SLC31A2: variants seen among roughly 807,000 people sequenced by gnomAD.
SLC31A2 encodes the protein protein SLC31A2.
SLC31A2 carries 16 observed loss-of-function variants against 14.4 expected under a neutral mutation model. The observed-to-expected ratio is 1.11, with a 90% confidence interval of 0.75 to 1.69. The LOEUF is 1.69. Among genes scored for constraint, SLC31A2 ranks in the 40% most tolerant of loss-of-function variants. The pLI is 0.00. For missense variants in SLC31A2, 140 were observed against 173.9 expected (o/e 0.81, Z 1.10); for synonymous variants, 56 against 68.7 (o/e 0.82, Z 0.91).
chr9:113,151,073 C>T lies in SLC31A2; in HGVS notation c.-2C>T. ...CCCTGGCGCCCGCCCTGCGCACTCA[C>T]CATGGCGGTAAGGGCCGGGCGCTAC... On this transcript the variant is annotated 5_prime_UTR_variant, in exon 1 of 4. Coordinates refer to ENST00000259392, the MANE Select transcript of SLC31A2 (RefSeq NM_001860.3). The surrounding 1 kb of genome is among the most constrained non-coding windows in gnomAD (Gnocchi z 4.2). 7.6e-7 allele frequency: 1 copy of T among 1,308,338 alleles called. No homozygotes were observed. The highest frequency in any genetic ancestry group is 9.8e-7 in the Non-Finnish European group (1 of 1,020,738). The allele number at this position is 1,308,338 out of a possible 1,614,324, so 81.0% of individuals were successfully genotyped here. A position where few individuals can be genotyped will look rare whatever the true frequency, so the allele number is the denominator to read the frequency against.
chr9:113,153,103 T>G (rs1023281316), intron 1 of SLC31A2, among the ~76,000 whole-genome samples: 1 of 148,088 alleles, frequency 6.8e-6, no homozygotes, highest in African/African-American at 2.5e-5. Context: ...GCGTAAACAT[T>G]TTGCTGTGTC....
At chr9:113,158,302 A>T (rs1829960592) in intron 2 of SLC31A2, among the ~76,000 whole-genome samples, 2 of 152,220 alleles carry the variant, frequency 1.3e-5, no homozygotes, top group Admixed American at 1.3e-4. Flanking sequence ...TTTTCAACTT[A>T]AATAACTGCA....
intron 2 of SLC31A2, chr9:113,160,888 CTTA>C (rs922852493): frequency 1.3e-5 from 2 of 152,218 alleles, no homozygotes; most frequent in African/African-American, 4.8e-5. Flanking sequence ...ATATATATCT[CTTA>C]TTATGTCGCA....
At chr9:113,152,764 C>T (rs1291897691) in intron 1 of SLC31A2, among the ~76,000 whole-genome samples, 2 of 152,234 alleles carry the variant, frequency 1.3e-5, no homozygotes, top group African/African-American at 4.8e-5. Context: ...AGAAATCTTT[C>T]AAATTACTCT....
chr9:113,155,263 G>T (rs1464589770), intron 1 of SLC31A2, among the ~76,000 whole-genome samples: 1 of 152,200 alleles, frequency 6.6e-6, no homozygotes, highest in African/African-American at 2.4e-5. Flanking sequence ...TGGACTTCCA[G>T]TGCTGCCCTG....
chr9:113,156,292 C>T, intron 1 of SLC31A2: 3 of 403,326 alleles, frequency 7.4e-6, no homozygotes, highest in Non-Finnish European at 1.0e-5. Context: ...ATCCTTTTCC[C>T]TCTTCATACT....
At chr9:113,159,356 C>A (rs1170650813) in intron 2 of SLC31A2, among the ~76,000 whole-genome samples, 1 of 152,174 alleles carries the variant, frequency 6.6e-6, no homozygotes, top group Non-Finnish European at 1.5e-5. Flanking sequence ...TGGTCTCAAA[C>A]TCCTGACCTC....
rs915466534 is a variant in SLC31A2 at position 113,163,835 on chromosome 9, T to G, written c.*918T>G. 4 of 152,790 alleles carry G rather than the reference T, an allele frequency of 2.6e-5. No homozygotes were observed. The South Asian group carries it at 8.3e-4, about 32-fold the overall frequency. The allele number at this position is 152,790 out of a possible 1,614,324, so 9.5% of individuals were successfully genotyped here. A position where few individuals can be genotyped will look rare whatever the true frequency, so the allele number is the denominator to read the frequency against. On this transcript the variant is annotated 3_prime_UTR_variant, in exon 4 of 4. Coordinates refer to ENST00000259392, the MANE Select transcript of SLC31A2 (RefSeq NM_001860.3). The stretch of plus-strand genomic sequence containing the variant: ...ATCTAATAATGTTCAATACTTAATA[T>G]TCTCTATTTATTACTTACTGCTTAC...
In SLC31A2 at chr9:113,162,810, T is replaced by TTCA; in HGVS notation, c.330_332dup (p.Ile110dup). On this transcript the variant is annotated inframe_insertion, in exon 4 of 4. Coordinates refer to ENST00000259392, the MANE Select transcript of SLC31A2 (RefSeq NM_001860.3). ...TGTCATCCAGGTGGTCATCGGCTAC[T>TTCA]TCATCATGCTGGCCGTAATGTCCTA... 6.2e-7 allele frequency: 1 copy of TTCA among 1,613,884 alleles called. No homozygotes were observed. Among genetic ancestry groups the TTCA allele is most frequent in the Non-Finnish European group, 8.5e-7 (1 of 1,179,836 alleles).
In SLC31A2 at chr9:113,162,805, G is replaced by C; in HGVS notation, c.320G>C (p.Gly107Ala). Residue 107 changes from glycine (G) to alanine (A), a missense_variant, in exon 4 of 4, where the codon GGC becomes GCC. Physicochemically the swap from Gly to Ala is moderately conservative, Grantham distance 60. Transcript: ENST00000259392. ...SLIHVIQVVI[G>A]YFIMLAVMSY... is the part of the protein sequence containing the mutation. ...ATCCATGTCATCCAGGTGGTCATCG[G>C]CTACTTCATCATGCTGGCCGTAATG... 1 of 1,613,642 alleles carries C rather than the reference G, an allele frequency of 6.2e-7. No homozygotes were observed. The highest frequency in any genetic ancestry group is 8.5e-7 in the Non-Finnish European group (1 of 1,179,758).
At chr9:113,161,417 T>C (rs1564138540) in intron 2 of SLC31A2, 92 bp from the exon 3 acceptor site, 2 of 1,136,286 alleles carry the variant, frequency 1.8e-6, no homozygotes, top group Non-Finnish European at 2.6e-6. Context: ...AGGATAGAGG[T>C]GGATGGAGTG....
In SLC31A2 at chr9:113,151,017, G is replaced by GGAGCGAGGAGACCC. The variant is rs1829855417; in HGVS notation, c.-50_-37dup. Reference sequence around the variant, plus strand: ...GCGGCGGCGGCGGTTGAACTGACTCGGAGCGAGGAGACCCGAGCGAGCAGA... The same window carrying GGAGCGAGGAGACCC: ...GCGGCGGCGGCGGTTGAACTGACTCGGAGCGAGGAGACCCGAGCGAGGAGACCCGAGCGAGCAGA... On this transcript the variant is annotated 5_prime_UTR_variant, in exon 1 of 4. Transcript: ENST00000259392. The surrounding 1 kb of genome is among the most constrained non-coding windows in gnomAD (Gnocchi z 4.2). The GGAGCGAGGAGACCC allele has an allele frequency of 3.9e-6, 5 of 1,292,500 alleles. No homozygotes were observed. The highest frequency in any genetic ancestry group is 1.5e-5 in the African/African-American group (1 of 65,782). The allele number at this position is 1,292,500 out of a possible 1,614,324, so 80.1% of individuals were successfully genotyped here.
rs934781540 is a variant in SLC31A2 at position 113,151,156 on chromosome 9, G to A, written c.6+76G>A. 13 of 1,254,208 alleles carry A rather than the reference G, an allele frequency of 1.0e-5. No individual in the cohort carries two copies. The Admixed American group carries it at 1.5e-4, about 15-fold the overall frequency. The allele number at this position is 1,254,208 out of a possible 1,614,324, so 77.7% of individuals were successfully genotyped here. ...CCTGGAGCTGCCATCTCGGCACCCC[G>A]AATCCTCGCTGCCGCTGGCCCGGGG... On this transcript the variant is annotated intron_variant, in intron 1 of 3. Transcript: ENST00000259392. This position sits in a 1 kb window ranked among gnomAD's most constrained non-coding sequence, Gnocchi z 4.2.
chr9:113,155,181 G>C (rs190842546), intron 1 of SLC31A2, among the ~76,000 whole-genome samples: 2 of 152,340 alleles, frequency 1.3e-5, no homozygotes, highest in Admixed American at 1.3e-4. Flanking sequence ...GGCCTGGTAA[G>C]AAGACCCAGG....
chr9:113,161,721 A>G (rs1329366141), intron 3 of SLC31A2, 23 bp downstream of exon 3: 8 of 1,611,748 alleles, frequency 5.0e-6, no homozygotes, highest in Non-Finnish European at 6.8e-6. Flanking sequence ...GGTATGGGAA[A>G]GGGGCAGAAG....
intron 1 of SLC31A2, 107 bp from the exon 2 acceptor site, chr9:113,157,620 C>T: frequency 1.1e-6 from 1 of 889,818 alleles, no homozygotes; most frequent in African/African-American, 1.7e-5. Context: ...TCCAGCACTT[C>T]CAGTGACCCC....
rs369127331 is a variant in SLC31A2, at chr9:113,151,041, G to A, written c.-34G>A. 36,274 of 1,302,840 alleles carry A rather than the reference G, an allele frequency of 0.028. 534 individuals carry two copies. The highest frequency in any genetic ancestry group is 0.031 in the Non-Finnish European group (31,358 of 1,019,726). The allele number at this position is 1,302,840 out of a possible 1,614,324, so 80.7% of individuals were successfully genotyped here. On this transcript the variant is annotated 5_prime_UTR_variant, in exon 1 of 4. Coordinates refer to ENST00000259392, the MANE Select transcript of SLC31A2 (RefSeq NM_001860.3). The surrounding 1 kb of genome is among the most constrained non-coding windows in gnomAD (Gnocchi z 4.2). ...CGGAGCGAGGAGACCCGAGCGAGCA[G>A]ACGCGGCCCTGGCGCCCGCCCTGCG...
At chr9:113,155,520 G>A (rs548937296) in intron 1 of SLC31A2, among the ~76,000 whole-genome samples, 64 of 152,336 alleles carry the variant, frequency 4.2e-4, no homozygotes, top group African/African-American at 1.5e-3. Context: ...AAAGAGGGTT[G>A]CTCTAAATTA....
At position 113,163,826 on chromosome 9, in the gene SLC31A2, T is replaced by C. The variant is rs989905670; in HGVS notation, c.*909T>C. The C allele has an allele frequency of 6.6e-6, 1 of 152,652 alleles. No homozygotes were observed. Among genetic ancestry groups the C allele is most frequent in the Non-Finnish European group, 1.5e-5 (1 of 68,048 alleles). 9.5% of individuals were successfully genotyped at this position (152,652 alleles called of 1,614,324 possible). A position where few individuals can be genotyped will look rare whatever the true frequency, so the allele number is the denominator to read the frequency against. On this transcript the variant is annotated 3_prime_UTR_variant, in exon 4 of 4. Transcript: ENST00000259392. ...AAAAGCTGCATCTAATAATGTTCAA[T>C]ACTTAATATTCTCTATTTATTACTT...
Sources: allele counts gnomAD v4.1 joint callset (sites outside exome capture counted in the v4.1 genomes callset), GRCh38; gene constraint gnomAD v4.1.1; non-coding constraint Gnocchi (gnomAD v3.1); transcripts MANE v1.5; gene names NCBI Gene and HGNC (gene_info 2026-07-23, HGNC 2026-07-21).